Variants in PRKCB observed in about 807,000 individuals in gnomAD.
PRKCB encodes protein kinase C beta type.
Under a neutral mutation model 81.5 loss-of-function variants are expected in PRKCB, and 13 were observed. That is an observed-to-expected ratio of 0.16 (90% CI 0.10 to 0.25). The LOEUF (loss-of-function observed/expected upper bound fraction) is 0.25. PRKCB is among the 10% of genes least tolerant of loss of function. The probability of loss-of-function intolerance (pLI) is 1.00; values close to 1 mark genes in which losing one functional copy is unlikely to be tolerated. For missense variants in PRKCB, 509 were observed against 875.7 expected (o/e 0.58, Z 5.29); for synonymous variants, 335 against 321.4 (o/e 1.04, Z -0.45).
At chr16:23,999,415 T>G (rs1965003178) in intron 3 of PRKCB, among the ~76,000 whole-genome samples, 1 of 152,250 alleles carries the variant, frequency 6.6e-6, no homozygotes, top group Non-Finnish European at 1.5e-5. Flanking sequence ...TACAGCTATG[T>G]TCACATCATA....
chr16:23,942,767 C>T (rs761467528), intron 2 of PRKCB, among the ~76,000 whole-genome samples: 5 of 152,202 alleles, frequency 3.3e-5, no homozygotes, highest in Non-Finnish European at 7.3e-5. Context: ...GCTCCCTTGA[C>T]TCTTTGAAAA....
At chr16:24,118,698 T>C (rs1332742284) in intron 8 of PRKCB, among the ~76,000 whole-genome samples, 2 of 152,234 alleles carry the variant, frequency 1.3e-5, no homozygotes, top group Non-Finnish European at 1.5e-5. Context: ...CATTGAGTTC[T>C]AGGGCTCTAA....
intron 5 of PRKCB, among the ~76,000 whole-genome samples, chr16:24,074,055 A>G (rs1011666510): frequency 6.6e-6 from 1 of 151,998 alleles, no homozygotes; most frequent in Non-Finnish European, 1.5e-5. Context: ...GAATGGCATG[A>G]ACTCAGGAGG....
At chr16:24,174,007 T>C (rs1022587408) in intron 11 of PRKCB, among the ~76,000 whole-genome samples, 1 of 151,480 alleles carries the variant, frequency 6.6e-6, no homozygotes, top group Non-Finnish European at 1.5e-5. Context: ...AGTATAATTC[T>C]CTCTTTTTTG....
At chr16:23,929,036 G>T (rs1387690367) in intron 2 of PRKCB, among the ~76,000 whole-genome samples, 2 of 152,062 alleles carry the variant, frequency 1.3e-5, no homozygotes, top group Non-Finnish European at 2.9e-5. Context: ...TGTTTAAGGA[G>T]ATGTTTTGTC....
At chr16:24,026,233 TGCGGTGAG>T (rs1282645879) in intron 3 of PRKCB, among the ~76,000 whole-genome samples, 1 of 152,214 alleles carries the variant, frequency 6.6e-6, no homozygotes, top group East Asian at 1.9e-4. Context: ...AGGCAGAGGC[TGCGGTGAG>T]CTATGATCGC....
At chr16:24,213,329 A>G (rs1180519626) in intron 16 of PRKCB, among the ~76,000 whole-genome samples, 1 of 152,180 alleles carries the variant, frequency 6.6e-6, no homozygotes, top group Non-Finnish European at 1.5e-5. Context: ...CACTGCGCCC[A>G]GTCACTGTAC....
chr16:24,135,860 G>C (rs547792642), intron 9 of PRKCB, among the ~76,000 whole-genome samples: 1 of 152,250 alleles, frequency 6.6e-6, no homozygotes, highest in East Asian at 1.9e-4. Flanking sequence ...CTGTACTTCA[G>C]CCTGCTTTGC....
In PRKCB at chr16:24,216,435, C is replaced by A. The variant is rs1420909894; in HGVS notation, c.*1619C>A. The A allele has an allele frequency of 4.1e-6, 4 of 985,332 alleles. No individual in the cohort carries two copies. The African/African-American group carries it at 5.2e-5, about 13-fold the overall frequency. 61.0% of individuals were successfully genotyped at this position (985,332 alleles called of 1,614,324 possible). On this transcript the variant is annotated 3_prime_UTR_variant, in exon 17 of 17. Transcript: ENST00000643927. ...GGATTAAGGCAGCAGGTGACTCCCC[C>A]TCCTCGCCTGCCGTGTCCTGCTATT...
In PRKCB at chr16:24,159,246, C is replaced by A. The variant is rs562475274; in HGVS notation, c.1239+4389C>A. Among the ~76,000 whole-genome samples the A allele has an allele frequency of 3.9e-5, 6 of 152,354 alleles. No individual in the cohort carries two copies. The South Asian group carries it at 8.3e-4, about 21-fold the overall frequency. ...CTTGCAGTGAAAGGGATTATCTACTCTCCCATTTTGCAGGTGAAAGGATTG... is the reference window on the plus strand; with the variant it reads ...CTTGCAGTGAAAGGGATTATCTACTATCCCATTTTGCAGGTGAAAGGATTG... On this transcript the variant is annotated intron_variant, in intron 10 of 16. Transcript: ENST00000643927.
intron 2 of PRKCB, among the ~76,000 whole-genome samples, chr16:23,911,328 T>A (rs1224351879): frequency 6.6e-6 from 1 of 151,730 alleles, no homozygotes; most frequent in Admixed American, 6.6e-5. Context: ...GGGTCTCACT[T>A]TATTGCCCAG....
intron 7 of PRKCB, among the ~76,000 whole-genome samples, chr16:24,104,986 C>T (rs554821143): frequency 6.6e-6 from 1 of 151,996 alleles, no homozygotes; most frequent in East Asian, 1.9e-4. Flanking sequence ...CTAGTAGGTC[C>T]TTTCCCATTC....
At position 24,219,655 on chromosome 16, in the gene PRKCB, AACACAC is replaced by A. The variant is rs869265824; in HGVS notation, c.*4882_*4887del. 29,800 of 731,726 alleles carry A rather than the reference AACACAC, an allele frequency of 0.041. 89 individuals carry two copies. Among genetic ancestry groups the A allele is most frequent in the Middle Eastern group, 0.067 (103 of 1,540 alleles). The allele number at this position is 731,726 out of a possible 1,614,324, so 45.3% of individuals were successfully genotyped here. Reference sequence around the variant, plus strand: ...ATCCTAAAGCCAAAGAAAATACAGCAACACACACACACACACACACACACACACACA... The same window carrying A: ...ATCCTAAAGCCAAAGAAAATACAGCAACACACACACACACACACACACACA... On this transcript the variant is annotated 3_prime_UTR_variant, in exon 17 of 17. Coordinates refer to ENST00000643927, the MANE Select transcript of PRKCB (RefSeq NM_002738.7).
At chr16:24,153,522 C>T (rs1967109314) in intron 9 of PRKCB, among the ~76,000 whole-genome samples, 1 of 152,170 alleles carries the variant, frequency 6.6e-6, no homozygotes, top group African/African-American at 2.4e-5. Flanking sequence ...GTCCCCAAAC[C>T]AGGTTAGGAC....
At chr16:23,956,183 G>A (rs1964347030) in intron 2 of PRKCB, among the ~76,000 whole-genome samples, 1 of 152,036 alleles carries the variant, frequency 6.6e-6, no homozygotes. Context: ...GTGCAGTGGT[G>A]TGATCTCAGC....
intron 16 of PRKCB, among the ~76,000 whole-genome samples, chr16:24,209,061 A>G (rs570692595): frequency 6.6e-6 from 1 of 152,190 alleles, no homozygotes; most frequent in Admixed American, 6.5e-5. Flanking sequence ...ACTGTCTCCC[A>G]TCACAGCCTC....
Position 24,217,623 on chromosome 16 carries a change from C to T in PRKCB, c.*2807C>T. On this transcript the variant is annotated 3_prime_UTR_variant, in exon 17 of 17. Coordinates refer to ENST00000643927, the MANE Select transcript of PRKCB (RefSeq NM_002738.7). ...TCCATAAAAGCAAGTCCTGTCTGGA[C>T]CATGTGGTTATCTGAAGCATTAGCC... The T allele has an allele frequency of 1.0e-6, 1 of 985,436 alleles. No individual in the cohort carries two copies. The highest frequency in any genetic ancestry group is 1.2e-6 in the Non-Finnish European group (1 of 829,960). 61.0% of individuals were successfully genotyped at this position (985,436 alleles called of 1,614,324 possible).
chr16:24,136,490 G>T (rs1400720077), intron 9 of PRKCB, among the ~76,000 whole-genome samples: 1 of 152,104 alleles, frequency 6.6e-6, no homozygotes, highest in South Asian at 2.1e-4. Context: ...CATCTGGGGG[G>T]TTGTAGGGGG....
chr16:24,147,376 A>G (rs1967009546), intron 9 of PRKCB, among the ~76,000 whole-genome samples: 1 of 152,062 alleles, frequency 6.6e-6, no homozygotes, highest in South Asian at 2.1e-4. Flanking sequence ...TGATGGAAGC[A>G]GGGCCGTGTT....
Sources: gnomAD v4.1 joint callset for allele counts (sites outside exome capture counted in the v4.1 genomes callset) on GRCh38, gnomAD v4.1.1 for gene constraint, MANE v1.5 for transcripts, NCBI Gene and HGNC (gene_info 2026-07-23, HGNC 2026-07-21) for gene names.